PHIP: variants seen among roughly 807,000 people sequenced by gnomAD.
PHIP encodes the protein PHIP subunit of CUL4-Ring ligase complex, also known as PH-interacting protein.
In PHIP, 54 loss-of-function variants were observed where a neutral mutation model predicts 236.8. That is an observed-to-expected ratio of 0.23 (90% CI 0.18 to 0.29). PHIP has a LOEUF of 0.29. PHIP is among the 10% of genes least tolerant of loss of function. PHIP has a pLI of 1.00. For missense variants in PHIP, 1,370 were observed against 2,190.8 expected, an observed-to-expected ratio of 0.63 and a Z score of 7.48; for synonymous variants, 756 against 718.9, an observed-to-expected ratio of 1.05 and a Z score of -0.83.
At chr6:79,061,778 T>C (rs750866065) in intron 4 of PHIP, among the ~76,000 whole-genome samples, 2 of 152,110 alleles carry the variant, frequency 1.3e-5, no homozygotes, top group Admixed American at 6.6e-5. Context: ...AATTTGAAAA[T>C]TGTTCCTCAA....
intron 29 of PHIP, among the ~76,000 whole-genome samples, chr6:78,963,812 G>A (rs1241669636): frequency 6.6e-6 from 1 of 152,180 alleles, no homozygotes; most frequent in East Asian, 1.9e-4. Context: ...CCAAAATCTA[G>A]AAACGTGCTA....
intron 4 of PHIP, among the ~76,000 whole-genome samples, chr6:79,073,660 T>C (rs1318357113): frequency 2.6e-5 from 4 of 152,130 alleles, no homozygotes; most frequent in East Asian, 3.8e-4. Context: ...CTAAGATATA[T>C]ACTTAAATAA....
intron 7 of PHIP, among the ~76,000 whole-genome samples, chr6:79,037,533 T>G (rs1772001003): frequency 6.6e-6 from 1 of 152,190 alleles, no homozygotes; most frequent in African/African-American, 2.4e-5. Flanking sequence ...ATCTTCAAAC[T>G]AAGATCTTCT....
At chr6:79,063,253 T>C (rs1326154849) in intron 4 of PHIP, among the ~76,000 whole-genome samples, 2 of 152,232 alleles carry the variant, frequency 1.3e-5, no homozygotes, top group African/African-American at 2.4e-5. Flanking sequence ...AAGTGCTTAA[T>C]AAAGTTCTAG....
chr6:79,025,873 G>T, intron 8 of PHIP, 70 bp downstream of exon 8: 1 of 1,147,182 alleles, frequency 8.7e-7, no homozygotes, highest in Non-Finnish European at 1.3e-6. Flanking sequence ...AACCAAAAGT[G>T]ACTTCATTAA....
In PHIP at chr6:78,941,153, G is replaced by C. The variant is rs1773481662; in HGVS notation, c.5006C>G (p.Ala1669Gly). 6.2e-7 allele frequency: 1 copy of C among 1,613,842 alleles called. No individual in the cohort carries two copies. The highest frequency in any genetic ancestry group is 8.5e-7 in the Non-Finnish European group (1 of 1,179,798). The change falls in exon 40 of 40, where the codon GCA (alanine) becomes GGA (glycine). Residue 1669 changes from alanine to glycine, a missense_variant. Around this residue, in one of 14 missense-constraint regions of PHIP, gnomAD observed 309 missense variants for 328.3 expected, o/e 0.94. Coordinates refer to ENST00000275034, the MANE Select transcript of PHIP (RefSeq NM_017934.7). ...RGRKPKKLQYAKPEDLEQNNV... is the reference protein window; with the variant it reads ...RGRKPKKLQYGKPEDLEQNNV... ...ATTTTGCTCTAAATCTTCTGGCTTT[G>C]CATACTGTAGCTTTTTGGGCTTTCT...
rs764817227 is a variant in PHIP at position 78,945,477 on chromosome 6, G to A, written c.4651C>T (p.His1551Tyr). The change falls in exon 39 of 40, where the codon CAT becomes TAT. Residue 1551 changes from histidine (H) to tyrosine (Y), a missense_variant. Coordinates refer to ENST00000275034, the MANE Select transcript of PHIP (RefSeq NM_017934.7). ...GKTILENSVK[H>Y]SKALNTLSSP... Reference sequence around the variant, plus strand: ...GAAAGAGTATTCAAAGCTTTGGAATGTTTCACAGAATTCTCTAGTACTAAA... The same window carrying A: ...GAAAGAGTATTCAAAGCTTTGGAATATTTCACAGAATTCTCTAGTACTAAA... The A allele has an allele frequency of 6.2e-7, 1 of 1,606,440 alleles. No individual in the cohort carries two copies. The highest frequency in any genetic ancestry group is 2.2e-5 in the East Asian group (1 of 44,798).
rs1363079896 is a variant in PHIP at position 78,945,422 on chromosome 6, C to T, written c.4706G>A (p.Gly1569Asp). ...TTCTTTTGCAGAATTATTCCTAGTGCCATGACTAAAACTGGATTGACCAGG... is the reference window on the plus strand; with the variant it reads ...TTCTTTTGCAGAATTATTCCTAGTGTCATGACTAAAACTGGATTGACCAGG... ...SSPGQSSFSH[G>D]TRNNSAKENM... Residue 1569 changes from glycine to aspartate, a missense_variant, in exon 39 of 40, where the codon GGC becomes GAC. Physicochemically the swap from Gly to Asp is moderately conservative, Grantham distance 94 (BLOSUM62 -1). Coordinates refer to ENST00000275034, the MANE Select transcript of PHIP (RefSeq NM_017934.7). The T allele has an allele frequency of 1.2e-6, 2 of 1,611,480 alleles. No homozygotes were observed. The highest frequency in any genetic ancestry group is 3.3e-5 in the Admixed American group (2 of 60,002).
At chr6:79,066,325 A>G (rs1043431006) in intron 4 of PHIP, among the ~76,000 whole-genome samples, 1 of 152,204 alleles carries the variant, frequency 6.6e-6, no homozygotes, top group Non-Finnish European at 1.5e-5. Context: ...TAAGTTTTAC[A>G]TGGAACTACT....
chr6:78,952,311 C>T (rs1049918932), intron 35 of PHIP, among the ~76,000 whole-genome samples: 5 of 150,956 alleles, frequency 3.3e-5, no homozygotes, highest in East Asian at 2.0e-4. Context: ...CCCAGCTACT[C>T]GTGAGGCCGA....
intron 7 of PHIP, among the ~76,000 whole-genome samples, chr6:79,029,779 C>G (rs1173191752): frequency 6.6e-6 from 1 of 152,190 alleles, no homozygotes; most frequent in East Asian, 1.9e-4. Flanking sequence ...ATCCACCCAC[C>G]TTGGCCTCCC....
At chr6:78,989,975 T>C (rs1343682986) in intron 20 of PHIP, among the ~76,000 whole-genome samples, 1 of 151,890 alleles carries the variant, frequency 6.6e-6, no homozygotes, top group Non-Finnish European at 1.5e-5. Context: ...TATGATACAC[T>C]CAGTAAAGAA....
chr6:79,019,056 T>C, intron 10 of PHIP, 33 bp downstream of exon 10: 5 of 1,514,286 alleles, frequency 3.3e-6, no homozygotes, highest in Non-Finnish European at 2.8e-6. Context: ...AATGAACAAC[T>C]TTAAGTCGAA....
chr6:78,952,492 C>A (rs1415492461), intron 35 of PHIP, among the ~76,000 whole-genome samples: 1 of 150,274 alleles, frequency 6.7e-6, no homozygotes, highest in Non-Finnish European at 1.5e-5. Flanking sequence ...TCAAATATTG[C>A]TCCTCTCCCA....
chr6:79,030,432 G>A (rs1045666242), intron 7 of PHIP, among the ~76,000 whole-genome samples: 1 of 152,136 alleles, frequency 6.6e-6, no homozygotes, highest in Non-Finnish European at 1.5e-5. Flanking sequence ...GCTCGGGCTA[G>A]GAATTGGCAA....
intron 19 of PHIP, among the ~76,000 whole-genome samples, chr6:78,994,122 A>C (rs1203104750): frequency 6.6e-6 from 1 of 152,246 alleles, no homozygotes; most frequent in African/African-American, 2.4e-5. Flanking sequence ...AACTATAATT[A>C]GAAGCGGCAA....
At chr6:79,012,746 T>C (rs1469854709) in intron 15 of PHIP, among the ~76,000 whole-genome samples, 1 of 151,770 alleles carries the variant, frequency 6.6e-6, no homozygotes, top group Non-Finnish European at 1.5e-5. Context: ...ATTGTTTCTC[T>C]TTATTTTCTT....
In PHIP at chr6:79,078,208, G is replaced by C; in HGVS notation, c.-140C>G. ...CTCCACCATTCAAGCAACGGCGGCGGAGGCGGAGGAGGAGGAGGAGGAAAC... is the reference window on the plus strand; with the variant it reads ...CTCCACCATTCAAGCAACGGCGGCGCAGGCGGAGGAGGAGGAGGAGGAAAC... On this transcript the variant is annotated 5_prime_UTR_variant, in exon 1 of 40. Coordinates refer to ENST00000275034, the MANE Select transcript of PHIP (RefSeq NM_017934.7). 1 of 749,940 alleles carries C rather than the reference G, an allele frequency of 1.3e-6. No homozygotes were observed. 46.5% of individuals were successfully genotyped at this position (749,940 alleles called of 1,614,324 possible).
At chr6:79,008,138 C>G (rs544396292) in intron 15 of PHIP, among the ~76,000 whole-genome samples, 70 of 151,592 alleles carry the variant, frequency 4.6e-4, no homozygotes, top group Admixed American at 7.9e-4. Context: ...TTGCAGTGAG[C>G]TGAGATTGTG....
Sources: gnomAD v4.1 joint callset for allele counts (sites outside exome capture counted in the v4.1 genomes callset) on GRCh38, gnomAD v4.1.1 for gene constraint, gnomAD v4.1.1 regional missense constraint, MANE v1.5 for transcripts, NCBI Gene and HGNC (gene_info 2026-07-23, HGNC 2026-07-21) for gene names.